Variants in OSGEPL1 observed in about 807,000 individuals in gnomAD.
OSGEPL1 encodes the protein tRNA N6-adenosine threonylcarbamoyltransferase, mitochondrial.
A neutral mutation model predicts 37.2 loss-of-function variants in OSGEPL1; 26 were observed. That is an observed-to-expected ratio of 0.70 (90% confidence interval 0.51 to 0.97). The LOEUF (loss-of-function observed/expected upper bound fraction) is 0.97, where lower values mean the gene tolerates loss of function less well. Ranked by LOEUF, OSGEPL1 falls within the 50% of genes least tolerant of loss-of-function variation. The probability of loss-of-function intolerance (pLI) is 0.00; values close to 1 mark genes in which losing one functional copy is unlikely to be tolerated. For missense variants in OSGEPL1, 404 were observed against 487.0 expected, an observed-to-expected ratio of 0.83 and a Z score of 1.60; for synonymous variants, 140 against 159.9, an observed-to-expected ratio of 0.88 and a Z score of 0.94.
At position 189,755,352 on chromosome 2, in the gene OSGEPL1, G is replaced by T. The variant is rs1396720208; in HGVS notation, c.430C>A (p.Pro144Thr). The T allele has an allele frequency of 1.6e-5, 26 of 1,613,526 alleles. No homozygotes were observed. The highest frequency in any genetic ancestry group is 2.2e-5 in the Non-Finnish European group (26 of 1,179,696). ...GCATGAGCCTCCATATGATGAATGGGAATGAATGGCTTTTTTAACTGTCCT... is the reference window on the plus strand; with the variant it reads ...GCATGAGCCTCCATATGATGAATGGTAATGAATGGCTTTTTTAACTGTCCT... ...LVGQLKKPFI[P>T]IHHMEAHALT... Residue 144 changes from proline (P) to threonine (T), a missense_variant, in exon 3 of 9, where the codon CCC becomes ACC. Transcript: ENST00000264151.
chr2:189,754,759 G>T (rs916489917), intron 3 of OSGEPL1: 2 of 231,140 alleles, frequency 8.7e-6, no homozygotes, highest in Non-Finnish European at 1.6e-5. Flanking sequence ...AAAGGGGGGT[G>T]GGGGGGGACC....
intron 5 of OSGEPL1, 101 bp downstream of exon 5, chr2:189,753,815 G>A: frequency 4.1e-6 from 5 of 1,228,818 alleles, no homozygotes; most frequent in Non-Finnish European, 5.7e-6. Context: ...GCTAGCATAA[G>A]GCATAAAGAT....
At chr2:189,762,144 C>T (rs565467600) in intron 1 of OSGEPL1, among the ~76,000 whole-genome samples, 2 of 152,310 alleles carry the variant, frequency 1.3e-5, no homozygotes, top group African/African-American at 4.8e-5. Context: ...AACACACACA[C>T]GCCAACTGCA....
rs1559155204 is a variant in OSGEPL1 at position 189,746,816 on chromosome 2, A to T, written c.*381T>A. ...GTCAGGTCAGAGTTATGGTTTCAAA[A>T]AATTAGGATTTCTGTAAACAAAGGC... On this transcript the variant is annotated 3_prime_UTR_variant, in exon 9 of 9. Coordinates refer to ENST00000264151, the MANE Select transcript of OSGEPL1 (RefSeq NM_022353.3). 3.4e-6 allele frequency: 2 copies of T among 584,326 alleles called. No homozygotes were observed. The highest frequency in any genetic ancestry group is 5.3e-6 in the Non-Finnish European group (2 of 377,886). The allele number at this position is 584,326 out of a possible 1,614,324, so 36.2% of individuals were successfully genotyped here. A position where few individuals can be genotyped will look rare whatever the true frequency, so the allele number is the denominator to read the frequency against.
chr2:189,756,059 CAA>C (rs1253788858), intron 2 of OSGEPL1, among the ~76,000 whole-genome samples: 1 of 152,108 alleles, frequency 6.6e-6, no homozygotes, highest in Admixed American at 6.5e-5. Flanking sequence ...ACTAAGGCAT[CAA>C]AGTTTGTTCA....
At chr2:189,759,287 C>A (rs368419127) in intron 2 of OSGEPL1, among the ~76,000 whole-genome samples, 1 of 151,094 alleles carries the variant, frequency 6.6e-6, no homozygotes, top group Admixed American at 6.6e-5. Flanking sequence ...CTCACTCTGT[C>A]GCCCGGGCTG....
At chr2:189,757,732 C>T (rs1251789505) in intron 2 of OSGEPL1, among the ~76,000 whole-genome samples, 1 of 152,196 alleles carries the variant, frequency 6.6e-6, no homozygotes, top group African/African-American at 2.4e-5. Context: ...AGTCATATGT[C>T]TCATTTATAT....
intron 8 of OSGEPL1, among the ~76,000 whole-genome samples, chr2:189,749,891 G>A (rs556973988): frequency 1.3e-5 from 2 of 152,226 alleles, no homozygotes; most frequent in East Asian, 3.9e-4. Flanking sequence ...GGAGGCTGAG[G>A]CAGGCAGATT....
chr2:189,746,986 T>G lies in OSGEPL1; in HGVS notation c.*211A>C, dbSNP rs1161009962. 6.3e-6 allele frequency: 1 copy of G among 158,070 alleles called. No individual in the cohort carries two copies. Among genetic ancestry groups the G allele is most frequent in the African/African-American group, 2.4e-5 (1 of 41,494 alleles). The allele number at this position is 158,070 out of a possible 1,614,324, so 9.8% of individuals were successfully genotyped here. A position where few individuals can be genotyped will look rare whatever the true frequency, so the allele number is the denominator to read the frequency against. ...ACATTTATTGTAATACTTTGAGATA[T>G]TTAGTAATAAATATTACAAATGTAT... On this transcript the variant is annotated 3_prime_UTR_variant, in exon 9 of 9. Coordinates refer to ENST00000264151, the MANE Select transcript of OSGEPL1 (RefSeq NM_022353.3).
chr2:189,755,625 C>T (rs1238119191), intron 2 of OSGEPL1, 65 bp from the exon 3 acceptor site: 4 of 1,493,100 alleles, frequency 2.7e-6, no homozygotes, highest in Non-Finnish European at 3.6e-6. Context: ...AATGATATTA[C>T]AGCTAAAAGC....
In OSGEPL1 at chr2:189,752,961, C is replaced by T. The variant is rs773347941; in HGVS notation, c.982G>A (p.Ala328Thr). ...GCTCTGCGGATATAGAAGTTACTTG[C>T]GACACCACCAGATGCAACCTGAAGG... ...NAVLVASGGV[A>T]SNFYIRRALE... The change falls in exon 6 of 9, where the codon GCA becomes ACA. Residue 328 changes from alanine to threonine, a missense_variant. Transcript: ENST00000264151. The T allele has an allele frequency of 8.1e-6, 13 of 1,611,588 alleles. No homozygotes were observed. The highest frequency in any genetic ancestry group is 2.2e-5 in the East Asian group (1 of 44,880).
At chr2:189,762,467 A>G (rs576899305) in intron 1 of OSGEPL1, 1 of 550,676 alleles carries the variant, frequency 1.8e-6, no homozygotes, top group Non-Finnish European at 2.3e-6. Context: ...CCAGACAGAC[A>G]CAACCTAGAG....
Position 189,750,622 on chromosome 2 carries a change from CA to C in OSGEPL1, c.1200del (p.Gly401GlufsTer5). On this transcript the variant is annotated frameshift_variant, in exon 8 of 9. Transcript: ENST00000264151. LOFTEE classifies it high-confidence loss of function. ...CPLGVDISKE[V>X]GEASIKVPQL... ...TGTGGTACTTTTATGGAAGCTTCTC[CA>C]ACTTCTTTTGATATGTCTACTCCAA... The C allele has an allele frequency of 6.3e-7, 1 of 1,592,214 alleles. No homozygotes were observed. Among genetic ancestry groups the C allele is most frequent in the Non-Finnish European group, 8.6e-7 (1 of 1,168,986 alleles).
Position 189,753,856 on chromosome 2 carries a change from T to TG in OSGEPL1, c.963+59dup, listed in dbSNP as rs550134796. 61 of 1,564,136 alleles carry TG rather than the reference T, an allele frequency of 3.9e-5. No individual in the cohort carries two copies. In the African/African-American group the frequency reaches 7.8e-4, roughly 20 times the overall value. Reference sequence around the variant, plus strand: ...CATCCTAAACACAAGGTCAAGGTCTTGGGAAAAAAGTAACATATTGCAAAG... The same window carrying TG: ...CATCCTAAACACAAGGTCAAGGTCTTGGGGAAAAAAGTAACATATTGCAAAG... On this transcript the variant is annotated intron_variant, in intron 5 of 8. Transcript: ENST00000264151.
rs1262520739 is a variant in OSGEPL1, at chr2:189,755,291, G to T, written c.491C>A (p.Pro164His). ...TCCAGAAATCAAAAGAACTAAAAAA[G>T]GAAATTCTACTTTATTGGTCAACCT... is the stretch of plus-strand genomic sequence containing the variant. ...TIRLTNKVEFPFLVLLISGGH... is the reference protein window; with the variant it reads ...TIRLTNKVEFHFLVLLISGGH... Residue 164 changes from proline (P) to histidine (H), a missense_variant, in exon 3 of 9, where the codon CCT becomes CAT. Transcript: ENST00000264151. 1.2e-6 allele frequency: 2 copies of T among 1,613,268 alleles called. No individual in the cohort carries two copies. The highest frequency in any genetic ancestry group is 1.1e-5 in the South Asian group (1 of 91,010).
At chr2:189,751,830 A>ATTAAC (rs56964037) in intron 7 of OSGEPL1, among the ~76,000 whole-genome samples, 149,006 of 151,854 alleles carry the variant, frequency 0.98, 73,165 homozygotes, top group Non-Finnish European at 1. Context: ...CTATTCCAGA[A>ATTAAC]TTAAAACAGA....
chr2:189,759,904 G>A (rs947176115), intron 2 of OSGEPL1, among the ~76,000 whole-genome samples: 2 of 152,144 alleles, frequency 1.3e-5, no homozygotes, highest in South Asian at 2.1e-4. Flanking sequence ...AGGACTCTGC[G>A]GCCTTCTGCA....
At chr2:189,760,151 T>A (rs901066631) in intron 2 of OSGEPL1, among the ~76,000 whole-genome samples, 1 of 152,254 alleles carries the variant, frequency 6.6e-6, no homozygotes, top group Non-Finnish European at 1.5e-5. Flanking sequence ...CTCCTATGTC[T>A]ACTTCTTTCT....
intron 6 of OSGEPL1, 32 bp from the exon 7 acceptor site, chr2:189,752,756 G>A: frequency 6.2e-7 from 1 of 1,613,378 alleles, no homozygotes; most frequent in Non-Finnish European, 8.5e-7. Flanking sequence ...AAAATCAATA[G>A]CTCCAAGATC....
Sources: gnomAD v4.1 joint callset for allele counts (sites outside exome capture counted in the v4.1 genomes callset) on GRCh38, gnomAD v4.1.1 for gene constraint, MANE v1.5 for transcripts, NCBI Gene and HGNC (gene_info 2026-07-23, HGNC 2026-07-21) for gene names.